Variants in FOCAD observed in about 807,000 individuals in gnomAD.
FOCAD encodes focadhesin.
A neutral mutation model predicts 225.6 loss-of-function variants in FOCAD; 198 were observed. The ratio of observed to expected loss-of-function variants is 0.88; its 90% confidence interval spans 0.78 to 0.99. The LOEUF is 0.99. Among genes scored for constraint, FOCAD ranks in the 50% least tolerant of loss-of-function variants. The probability of loss-of-function intolerance (pLI) is 0.00; values close to 1 mark genes in which losing one functional copy is unlikely to be tolerated. For missense variants in FOCAD, 2,713 were observed against 2,123.6 expected (o/e 1.28, Z -5.46); for synonymous variants, 897 against 755.0 (o/e 1.19, Z -3.08).
At chr9:20,881,359 A>T (rs750538888) in intron 19 of FOCAD, among the ~76,000 whole-genome samples, 78 of 152,198 alleles carry the variant, frequency 5.1e-4, no homozygotes, top group Non-Finnish European at 9.3e-4. Flanking sequence ...GGGCTAGATT[A>T]TAAAAGGTCT....
chr9:20,979,672 C>G (rs889413729), intron 37 of FOCAD, among the ~76,000 whole-genome samples: 7 of 152,100 alleles, frequency 4.6e-5, no homozygotes, highest in Admixed American at 3.3e-4. Flanking sequence ...CCTACTCCTC[C>G]TCACTGTCTT....
chr9:20,792,240 G>A (rs531914696), intron 11 of FOCAD, among the ~76,000 whole-genome samples: 185 of 152,266 alleles, frequency 1.2e-3, no homozygotes, highest in African/African-American at 4.2e-3. Context: ...AAATACTTAG[G>A]TATCTGAACT....
intron 1 of FOCAD, among the ~76,000 whole-genome samples, chr9:20,695,465 A>ATTTT (rs1823288873): frequency 6.6e-6 from 1 of 152,202 alleles, no homozygotes; most frequent in South Asian, 2.1e-4. Context: ...GCCCGTAAAC[A>ATTTT]TGCTTTCATT....
At chr9:20,655,987 C>T (rs577669281), upstream of FOCAD, among the ~76,000 whole-genome samples, 666 of 152,098 alleles carry the variant, frequency 4.4e-3, 8 homozygotes, top group African/African-American at 0.016. Flanking sequence ...TCTTTGTTCT[C>T]GTTGTTTTCA....
At chr9:20,865,462 A>ACT (rs1829144676) in intron 16 of FOCAD, among the ~76,000 whole-genome samples, 1 of 152,042 alleles carries the variant, frequency 6.6e-6, no homozygotes, top group Admixed American at 6.6e-5. Flanking sequence ...TCTTTGAGGA[A>ACT]CTGTGTGGGC....
At chr9:20,713,299 T>C (rs568848902) in intron 1 of FOCAD, among the ~76,000 whole-genome samples, 9 of 152,344 alleles carry the variant, frequency 5.9e-5, no homozygotes, top group African/African-American at 2.2e-4. Flanking sequence ...ATCTCTTTAT[T>C]CTTCCTAAGA....
At chr9:20,942,018 A>T (rs1468265471) in intron 28 of FOCAD, among the ~76,000 whole-genome samples, 1 of 152,210 alleles carries the variant, frequency 6.6e-6, no homozygotes, top group Non-Finnish European at 1.5e-5. Context: ...TCAGGAATAA[A>T]GTTTTAGGAC....
chr9:20,671,976 T>C (rs1204484975), intron 2 of FOCAD, among the ~76,000 whole-genome samples: 1 of 152,138 alleles, frequency 6.6e-6, no homozygotes, highest in East Asian at 1.9e-4. Context: ...TCAGCAACCG[T>C]TGTAGTTTTT....
intron 15 of FOCAD, among the ~76,000 whole-genome samples, chr9:20,846,637 G>A (rs576237787): frequency 1.3e-5 from 2 of 152,200 alleles, no homozygotes; most frequent in African/African-American, 4.8e-5. Context: ...ATGTAGCAAG[G>A]CTTGTTAAAC....
intron 21 of FOCAD, among the ~76,000 whole-genome samples, chr9:20,894,231 A>T (rs1831878434): frequency 6.6e-6 from 1 of 152,156 alleles, no homozygotes; most frequent in South Asian, 2.1e-4. Context: ...AGTGTTGAAT[A>T]AAAATCCATT....
chr9:20,793,859 T>C (rs761102454), intron 11 of FOCAD, among the ~76,000 whole-genome samples: 10 of 152,180 alleles, frequency 6.6e-5, no homozygotes, highest in Non-Finnish European at 1.2e-4. Context: ...GGAAAATACG[T>C]TGAAGTCTAC....
In FOCAD at chr9:20,920,781, G is replaced by A. The variant is rs186009061; in HGVS notation, c.2853-2879G>A. 2.2e-3 allele frequency among the ~76,000 whole-genome samples: 331 copies of A among 151,656 alleles called. 9 individuals carry two copies. The East Asian group carries it at 0.043, about 20-fold the overall frequency. On this transcript the variant is annotated intron_variant, in intron 24 of 43. Transcript: ENST00000338382. ...TGAACAATGAGAACACATGGACACA[G>A]GAAAGGGAACATCACACTCTGGGGA...
chr9:20,859,251 G>A (rs1472735200), intron 15 of FOCAD, among the ~76,000 whole-genome samples: 1 of 151,902 alleles, frequency 6.6e-6, no homozygotes, highest in Non-Finnish European at 1.5e-5. Context: ...GTGTGGTGGT[G>A]CATGCCTGTA....
intron 11 of FOCAD, among the ~76,000 whole-genome samples, chr9:20,810,345 ACTC>A (rs981096940): frequency 2.0e-5 from 3 of 152,076 alleles, no homozygotes; most frequent in African/African-American, 4.8e-5. Flanking sequence ...GAGATTTCAA[ACTC>A]CTCCTTCTAA....
chr9:20,858,899 T>G (rs1828488126), intron 15 of FOCAD, among the ~76,000 whole-genome samples: 1 of 152,188 alleles, frequency 6.6e-6, no homozygotes, highest in Non-Finnish European at 1.5e-5. Context: ...TTTCCAAAAT[T>G]CTTCCTGTTA....
At chr9:20,903,253 T>C (rs1214238461) in intron 21 of FOCAD, among the ~76,000 whole-genome samples, 1 of 151,964 alleles carries the variant, frequency 6.6e-6, no homozygotes, top group East Asian at 1.9e-4. Flanking sequence ...TTTTCTGTCT[T>C]ATATATTGGC....
intron 6 of FOCAD, among the ~76,000 whole-genome samples, chr9:20,764,221 G>C (rs1472112823): frequency 6.6e-6 from 1 of 152,110 alleles, no homozygotes; most frequent in African/African-American, 2.4e-5. Flanking sequence ...TCCTGGAGAG[G>C]TGATCCTGAC....
intron 15 of FOCAD, among the ~76,000 whole-genome samples, chr9:20,857,281 T>G (rs1828281595): frequency 6.6e-6 from 1 of 152,048 alleles, no homozygotes. Flanking sequence ...TCATCAATGT[T>G]TCATAGTTTT....
In FOCAD at chr9:20,746,463, C is replaced by CT. The variant is rs11384507; in HGVS notation, c.392+6128dup. ...CCGTGGGAAGTCATTAAAAACATTT[C>CT]TTTTTAACTTACTGTATTGAAATAA... On this transcript the variant is annotated intron_variant, in intron 5 of 43. Coordinates refer to ENST00000338382, the MANE Select transcript of FOCAD (RefSeq NM_001375567.1). 7.1e-3 allele frequency among the ~76,000 whole-genome samples: 1,077 copies of CT among 152,232 alleles called. 12 individuals carry two copies. Among genetic ancestry groups the CT allele is most frequent in the African/African-American group, 0.024 (993 of 41,514 alleles).
Sources: allele counts gnomAD v4.1 joint callset (sites outside exome capture counted in the v4.1 genomes callset), GRCh38; gene constraint gnomAD v4.1.1; transcripts MANE v1.5; gene names NCBI Gene and HGNC (gene_info 2026-07-23, HGNC 2026-07-21).